The following NAV3 variants were observed in gnomAD, a reference collection of about 807,000 sequenced individuals.
NAV3 encodes pore membrane and/or filament interacting like protein 1.
In NAV3, 87 loss-of-function variants were observed where a neutral mutation model predicts 244.7. The observed-to-expected ratio is 0.36, with a 90% CI of 0.30 to 0.42. The LOEUF (loss-of-function observed/expected upper bound fraction) is 0.42. Among genes scored for constraint, NAV3 ranks in the 20% least tolerant of loss-of-function variants. The pLI is 1.00. For synonymous variants in NAV3, 1,126 were observed against 1,042.2 expected (o/e 1.08, Z -1.55); for missense variants, 2,663 against 2,893.3 (o/e 0.92, Z 1.83).
intron 2 of NAV3, among the ~76,000 whole-genome samples, chr12:77,575,057 A>G (rs1776176188): frequency 6.7e-6 from 1 of 148,368 alleles, no homozygotes; most frequent in Non-Finnish European, 1.5e-5. Context: ...TACATATTTT[A>G]TATATAAATA....
chr12:78,138,744 G>A (rs1956480428), intron 19 of NAV3, among the ~76,000 whole-genome samples: 1 of 152,168 alleles, frequency 6.6e-6, no homozygotes, highest in Non-Finnish European at 1.5e-5. Context: ...CAAATAAAGT[G>A]ATTTTTATAT....
chr12:78,054,421 A>G (rs772078853), intron 11 of NAV3, among the ~76,000 whole-genome samples: 11 of 152,216 alleles, frequency 7.2e-5, no homozygotes, highest in Non-Finnish European at 1.2e-4. Flanking sequence ...TTTAAACTAC[A>G]TTATAAGCTA....
At chr12:78,169,422 C>T (rs1410793197) in intron 24 of NAV3, among the ~76,000 whole-genome samples, 1 of 150,830 alleles carries the variant, frequency 6.6e-6, no homozygotes, top group African/African-American at 2.4e-5. Flanking sequence ...CAATTCTAAA[C>T]AATGAAAGGG....
At chr12:77,808,812 TG>T (rs1194465581) in intron 2 of NAV3, among the ~76,000 whole-genome samples, 1 of 152,208 alleles carries the variant, frequency 6.6e-6, no homozygotes, top group Admixed American at 6.5e-5. Flanking sequence ...CCCAGGGAGA[TG>T]GGAGTTTTAT....
chr12:77,628,227 T>A (rs1871723895), intron 2 of NAV3, among the ~76,000 whole-genome samples: 1 of 152,232 alleles, frequency 6.6e-6, no homozygotes, highest in South Asian at 2.1e-4. Flanking sequence ...GATCATTACA[T>A]ATTGTATGCA....
intron 22 of NAV3, among the ~76,000 whole-genome samples, chr12:78,156,011 T>G (rs1027716691): frequency 2.6e-5 from 4 of 152,166 alleles, no homozygotes; most frequent in Admixed American, 1.3e-4. Flanking sequence ...AGATCCTATT[T>G]GTCAACTTTT....
chr12:77,838,671 C>A (rs1018955085), intron 1 of NAV3, among the ~76,000 whole-genome samples: 3 of 151,976 alleles, frequency 2.0e-5, no homozygotes, highest in Non-Finnish European at 4.4e-5. Flanking sequence ...AATTTTCAGG[C>A]AAAATAATTG....
At chr12:77,928,855 A>C (rs1271039539) in intron 1 of NAV3, among the ~76,000 whole-genome samples, 1 of 152,222 alleles carries the variant, frequency 6.6e-6, no homozygotes, top group Admixed American at 6.5e-5. Flanking sequence ...TGAAAATATT[A>C]ATGTAATTTC....
At chr12:77,638,409 C>T (rs1037382302) in intron 2 of NAV3, among the ~76,000 whole-genome samples, 2 of 152,202 alleles carry the variant, frequency 1.3e-5, no homozygotes, top group African/African-American at 4.8e-5. Context: ...TGTCAGTTTA[C>T]TACTTTCTCA....
At chr12:77,727,202 A>G (rs959314272) in intron 2 of NAV3, among the ~76,000 whole-genome samples, 1 of 151,830 alleles carries the variant, frequency 6.6e-6, no homozygotes, top group Non-Finnish European at 1.5e-5. Context: ...AAGCTGTTAT[A>G]GTGGGAGGAC....
intron 1 of NAV3, among the ~76,000 whole-genome samples, chr12:77,833,794 G>A (rs1481588977): frequency 6.6e-6 from 1 of 152,084 alleles, no homozygotes; most frequent in Non-Finnish European, 1.5e-5. Flanking sequence ...GATGGATGGG[G>A]AGCCATAAGG....
chr12:77,644,070 A>C (rs983893078), intron 2 of NAV3, among the ~76,000 whole-genome samples: 6 of 152,120 alleles, frequency 3.9e-5, no homozygotes, highest in Non-Finnish European at 7.4e-5. Flanking sequence ...CAACATATAC[A>C]CATGTAGGCA....
chr12:77,591,702 A>G (rs1869912236), intron 2 of NAV3, among the ~76,000 whole-genome samples: 1 of 152,234 alleles, frequency 6.6e-6, no homozygotes, highest in Non-Finnish European at 1.5e-5. Flanking sequence ...TGTATCCAAG[A>G]GGCAATCCCA....
At chr12:78,153,546 C>T (rs898002909) in intron 22 of NAV3, among the ~76,000 whole-genome samples, 4 of 152,196 alleles carry the variant, frequency 2.6e-5, no homozygotes, top group Non-Finnish European at 4.4e-5. Context: ...CCTCTGGCCT[C>T]TCGCCCACAC....
intron 12 of NAV3, among the ~76,000 whole-genome samples, chr12:78,071,524 A>G (rs1050170816): frequency 6.6e-6 from 1 of 151,996 alleles, no homozygotes; most frequent in Non-Finnish European, 1.5e-5. Context: ...CTCTGATGGT[A>G]GTTTCTTTTG....
chr12:77,967,991 A>G (rs1892661952), intron 4 of NAV3, among the ~76,000 whole-genome samples: 1 of 152,232 alleles, frequency 6.6e-6, no homozygotes. Context: ...AAATATGTAT[A>G]AATGAGTTGG....
At chr12:77,748,859 A>C (rs922648125) in intron 2 of NAV3, among the ~76,000 whole-genome samples, 7 of 152,160 alleles carry the variant, frequency 4.6e-5, no homozygotes, top group African/African-American at 1.7e-4. Flanking sequence ...TTGCTAAGAG[A>C]AAAGAGCTTA....
intron 2 of NAV3, among the ~76,000 whole-genome samples, chr12:77,577,145 C>T (rs1262389040): frequency 1.3e-5 from 2 of 152,094 alleles, no homozygotes. Context: ...GAAACTCGTG[C>T]TGTGATTGTA....
intron 1 of NAV3, among the ~76,000 whole-genome samples, chr12:77,844,197 A>T (rs1402311): frequency 0.39 from 59,653 of 152,056 alleles, 13,573 homozygotes; most frequent in Non-Finnish European, 0.5. Context: ...GGTGTCTGGT[A>T]AGGGCTAACT....
Sources: gnomAD v4.1 joint callset for allele counts (sites outside exome capture counted in the v4.1 genomes callset) on GRCh38, gnomAD v4.1.1 for gene constraint, MANE v1.5 for transcripts, NCBI Gene and HGNC (gene_info 2026-07-23, HGNC 2026-07-21) for gene names.